The following USF3 variants were observed in gnomAD, a reference collection of about 807,000 sequenced individuals.
The protein encoded by USF3 is upstream transcription factor family member 3.
In USF3, 29 loss-of-function variants were observed where a neutral mutation model predicts 157.5. The ratio of observed to expected loss-of-function variants is 0.18; its 90% CI spans 0.14 to 0.25. The LOEUF is 0.25. Ranked by LOEUF, USF3 falls within the 10% of genes least tolerant of loss-of-function variation. The probability of loss-of-function intolerance (pLI) is 1.00; values close to 1 mark genes in which losing one functional copy is unlikely to be tolerated. For missense variants in USF3, 2,381 were observed against 2,667.6 expected (o/e 0.89, Z 2.37); for synonymous variants, 893 against 941.4 (o/e 0.95, Z 0.94).
At chr3:113,686,674 C>T (rs576401604) in intron 1 of USF3, among the ~76,000 whole-genome samples, 1 of 152,326 alleles carries the variant, frequency 6.6e-6, no homozygotes, top group African/African-American at 2.4e-5. Flanking sequence ...CTTGCTCTGC[C>T]TCATCCCTTC....
intron 1 of USF3, among the ~76,000 whole-genome samples, chr3:113,692,024 C>A (rs1187684743): frequency 6.6e-6 from 1 of 152,132 alleles, no homozygotes; most frequent in African/African-American, 2.4e-5. Context: ...GAAACTGTTC[C>A]ATCTATCTCA....
intron 2 of USF3, among the ~76,000 whole-genome samples, chr3:113,675,656 T>A (rs1175428596): frequency 2.0e-5 from 3 of 152,230 alleles, no homozygotes; most frequent in Non-Finnish European, 4.4e-5. Flanking sequence ...AAAGCTGTGA[T>A]GCTTTTATAT....
intron 5 of USF3, 73 bp from the exon 6 acceptor site, chr3:113,664,482 T>C (rs1248149907): frequency 2.6e-6 from 2 of 765,658 alleles, no homozygotes; most frequent in Non-Finnish European, 4.4e-6. Context: ...ACTTTAAGCT[T>C]TGTCTTTATC....
intron 5 of USF3, among the ~76,000 whole-genome samples, chr3:113,665,764 A>G (rs1947555561): frequency 6.6e-6 from 1 of 152,174 alleles, no homozygotes; most frequent in African/African-American, 2.4e-5. Context: ...GGAGGCAGAG[A>G]TTGCTGTGAA....
chr3:113,687,384 T>C (rs1157746205), intron 1 of USF3, among the ~76,000 whole-genome samples: 1 of 152,298 alleles, frequency 6.6e-6, no homozygotes, highest in Non-Finnish European at 1.5e-5. Context: ...GTCCCTTTCA[T>C]TGGAGAATGG....
chr3:113,658,493 C>T lies in USF3; in HGVS notation c.3189G>A (p.Gln1063=), dbSNP rs763743839. Reference sequence around the variant, plus strand: ...CTTGATCAGGGAGGCAGGAATGATGCTGTGGAGGATCTCTATCATCATTGT... The same window carrying T: ...CTTGATCAGGGAGGCAGGAATGATGTTGTGGAGGATCTCTATCATCATTGT... The part of the protein sequence containing the change: ...LMNNDDRDPP[Q]HHSCLPDQEV... The change falls in exon 7 of 7, where the codon CAG becomes CAA. Residue 1063 remains glutamine, a synonymous_variant. Transcript: ENST00000316407. 12 of 1,613,796 alleles carry T rather than the reference C, an allele frequency of 7.4e-6. No homozygotes were observed. The East Asian group carries it at 2.0e-4, about 27-fold the overall frequency.
intron 1 of USF3, among the ~76,000 whole-genome samples, chr3:113,680,335 ATG>A (rs1322795447): frequency 6.6e-6 from 1 of 151,860 alleles, no homozygotes. Context: ...GGTAGGTTGT[ATG>A]TGTCTAGGAA....
chr3:113,658,485 G>C lies in USF3; in HGVS notation c.3197C>G (p.Ser1066Cys). ...NDDRDPPQHH[S>C]CLPDQEVING... Reference sequence around the variant, plus strand: ...AATAACCTCTTGATCAGGGAGGCAGGAATGATGCTGTGGAGGATCTCTATC... The same window carrying C: ...AATAACCTCTTGATCAGGGAGGCAGCAATGATGCTGTGGAGGATCTCTATC... Residue 1066 changes from serine (S) to cysteine (C), a missense_variant, in exon 7 of 7, where the codon TCC (serine) becomes TGC (cysteine). This residue lies in a region of USF3 where 1,435 missense variants were observed against 1,550.9 expected (regional missense o/e 0.93). Coordinates refer to ENST00000316407, the MANE Select transcript of USF3 (RefSeq NM_001009899.4). 1.2e-6 allele frequency: 2 copies of C among 1,613,942 alleles called. No homozygotes were observed. Among genetic ancestry groups the C allele is most frequent in the East Asian group, 4.5e-5 (2 of 44,890 alleles).
chr3:113,658,101 T>G lies in USF3; in HGVS notation c.3581A>C (p.Asn1194Thr). 1 of 1,614,194 alleles carries G rather than the reference T, an allele frequency of 6.2e-7. No individual in the cohort carries two copies. The highest frequency in any genetic ancestry group is 8.5e-7 in the Non-Finnish European group (1 of 1,180,032). ...SGTGQAEATP[N>T]EFNSQGSIEA... ...AATTGAACCCTGAGAATTAAATTCA[T>G]TTGGTGTTGCTTCTGCCTGTCCTGT... Residue 1194 changes from asparagine (N) to threonine (T), a missense_variant, in exon 7 of 7, where the codon AAT becomes ACT. Coordinates refer to ENST00000316407, the MANE Select transcript of USF3 (RefSeq NM_001009899.4).
intron 5 of USF3, 60 bp from the exon 6 acceptor site, chr3:113,664,469 G>A (rs1947533644): frequency 1.2e-6 from 1 of 854,832 alleles, no homozygotes; most frequent in African/African-American, 1.7e-5. Flanking sequence ...CTTGCCAGAT[G>A]AAACTTTAAG....
intron 1 of USF3, among the ~76,000 whole-genome samples, 173 bp downstream of exon 1, chr3:113,696,197 T>G (rs1382738498): frequency 6.6e-6 from 1 of 152,118 alleles, no homozygotes; most frequent in Non-Finnish European, 1.5e-5. Flanking sequence ...CCCCACCAGG[T>G]GCCGCACGCA....
At chr3:113,675,531 C>T (rs764162161) in intron 2 of USF3, among the ~76,000 whole-genome samples, 4 of 152,058 alleles carry the variant, frequency 2.6e-5, no homozygotes, top group African/African-American at 4.8e-5. Context: ...AAAATATATA[C>T]ATATATGGAA....
chr3:113,687,707 A>G (rs1358346632), intron 1 of USF3, among the ~76,000 whole-genome samples: 1 of 152,158 alleles, frequency 6.6e-6, no homozygotes, highest in African/African-American at 2.4e-5. Flanking sequence ...TAATTTCCTC[A>G]ACTCTAATAA....
intron 2 of USF3, 125 bp from the exon 3 acceptor site, chr3:113,675,021 G>A: frequency 1.5e-6 from 1 of 671,016 alleles, no homozygotes; most frequent in Non-Finnish European, 2.7e-6. Context: ...GAAAAGCATT[G>A]GATTAGGTGT....
rs763183752 is a variant in USF3, at chr3:113,657,915, C to A, written c.3767G>T (p.Ser1256Ile). The A allele has an allele frequency of 6.2e-7, 1 of 1,614,194 alleles. No individual in the cohort carries two copies. Among genetic ancestry groups the A allele is most frequent in the Admixed American group, 1.7e-5 (1 of 60,020 alleles). Reference protein sequence around the residue: ...HQSSISHPLASCAGLSPTSEQ... With the variant: ...HQSSISHPLAICAGLSPTSEQ... The stretch of plus-strand genomic sequence containing the variant: ...TGAAGTTGGGGATAAACCCGCACAG[C>A]TGGCCAGAGGATGGCTGATGCTGCT... The change falls in exon 7 of 7, where the codon AGC (serine) becomes ATC (isoleucine). Residue 1256 changes from serine (S) to isoleucine (I), a missense_variant. By Grantham distance (142) the Ser-to-Ile change is moderately radical (BLOSUM62 -2). Coordinates refer to ENST00000316407, the MANE Select transcript of USF3 (RefSeq NM_001009899.4).
At position 113,650,253 on chromosome 3, in the gene USF3, G is replaced by A; in HGVS notation, c.*4691C>T. 5.7e-6 allele frequency: 1 copy of A among 176,306 alleles called. No homozygotes were observed. Among genetic ancestry groups the A allele is most frequent in the Non-Finnish European group, 1.2e-5 (1 of 84,360 alleles). The allele number at this position is 176,306 out of a possible 1,614,324, so 10.9% of individuals were successfully genotyped here. On this transcript the variant is annotated 3_prime_UTR_variant, in exon 7 of 7. Transcript: ENST00000316407. ...AAGGCCAACCAAACCAAGGGACAGA[G>A]CTATATGGCACACTGAAATATTTTA... is the stretch of plus-strand genomic sequence containing the variant.
rs12492542 is a variant in USF3 at position 113,649,325 on chromosome 3, T to C, written c.*5619A>G. The C allele has an allele frequency of 4.5e-3, 694 of 152,984 alleles. 14 individuals are homozygous for C. The highest frequency in any genetic ancestry group is 0.031 in the Admixed American group (472 of 15,300). 9.5% of individuals were successfully genotyped at this position (152,984 alleles called of 1,614,324 possible). A position where few individuals can be genotyped will look rare whatever the true frequency, so the allele number is the denominator to read the frequency against. On this transcript the variant is annotated 3_prime_UTR_variant, in exon 7 of 7. Coordinates refer to ENST00000316407, the MANE Select transcript of USF3 (RefSeq NM_001009899.4). ...TGCAGTCATCCAAAATTCCCCAATT[T>C]GTATATTATGTCCAATGTTTACAAC...
chr3:113,664,782 T>C (rs939746785), intron 5 of USF3, among the ~76,000 whole-genome samples: 14 of 152,110 alleles, frequency 9.2e-5, no homozygotes, highest in Non-Finnish European at 1.9e-4. Flanking sequence ...CCCCCTAAAA[T>C]TCATATGTCT....
chr3:113,656,823 T>C lies in USF3; in HGVS notation c.4859A>G (p.His1620Arg), dbSNP rs774393741. 3 of 1,614,214 alleles carry C rather than the reference T, an allele frequency of 1.9e-6. No individual in the cohort carries two copies. The highest frequency in any genetic ancestry group is 1.3e-5 in the African/African-American group (1 of 75,062). Residue 1620 changes from histidine (H) to arginine (R), a missense_variant, in exon 7 of 7, where the codon CAT becomes CGT. Around this residue, in one of 6 missense-constraint regions of USF3, gnomAD observed 770 missense variants for 824.2 expected, o/e 0.93. Transcript: ENST00000316407. ...CTGCATTGGATTATGGCCAGATACATGTTCAGATGAAACCCCTGAACCTTG... is the reference window on the plus strand; with the variant it reads ...CTGCATTGGATTATGGCCAGATACACGTTCAGATGAAACCCCTGAACCTTG... Reference protein sequence around the residue: ...RQQGSGVSSEHVSGHNPMQRL... With the variant: ...RQQGSGVSSERVSGHNPMQRL...
Sources: gnomAD v4.1 joint callset for allele counts (sites outside exome capture counted in the v4.1 genomes callset) on GRCh38, gnomAD v4.1.1 for gene constraint, gnomAD v4.1.1 regional missense constraint, MANE v1.5 for transcripts, NCBI Gene and HGNC (gene_info 2026-07-23, HGNC 2026-07-21) for gene names.